Variants in ADAMTS17 observed in about 807,000 individuals in gnomAD.
ADAMTS17 encodes A disintegrin and metalloproteinase with thrombospondin motifs 17.
A neutral mutation model predicts 141.5 loss-of-function variants in ADAMTS17; 113 were observed. That is an observed-to-expected ratio of 0.80 (90% CI 0.69 to 0.93). The LOEUF is 0.93. Ranked by LOEUF, ADAMTS17 falls within the 40% of genes least tolerant of loss-of-function variation. ADAMTS17 has a pLI of 0.00. For synonymous variants in ADAMTS17, 768 were observed against 630.6 expected, an observed-to-expected ratio of 1.22 and a Z score of -3.27; for missense variants, 1,659 against 1,517.9, an observed-to-expected ratio of 1.09 and a Z score of -1.54.
At chr15:100,045,417 T>C (rs572335920) in intron 18 of ADAMTS17, among the ~76,000 whole-genome samples, 12 of 152,290 alleles carry the variant, frequency 7.9e-5, no homozygotes, top group East Asian at 7.7e-4. Context: ...TAGAAGAATA[T>C]TGAATTTTTG....
chr15:100,239,925 A>T (rs1555491131), intron 7 of ADAMTS17, among the ~76,000 whole-genome samples: 1 of 152,112 alleles, frequency 6.6e-6, no homozygotes, highest in Non-Finnish European at 1.5e-5. Flanking sequence ...CCAGTGAAGG[A>T]GGAGGTGGTC....
intron 15 of ADAMTS17, among the ~76,000 whole-genome samples, chr15:100,093,450 G>A (rs1229691804): frequency 6.6e-6 from 1 of 152,152 alleles, no homozygotes; most frequent in Non-Finnish European, 1.5e-5. Flanking sequence ...TTAGGGGCAA[G>A]CAGAGATGAA....
At position 100,096,797 on chromosome 15, in the gene ADAMTS17, C is replaced by A. The variant is rs2035788848; in HGVS notation, c.2017-321G>T. On this transcript the variant is annotated intron_variant, in intron 14 of 21. Coordinates refer to ENST00000268070, the MANE Select transcript of ADAMTS17 (RefSeq NM_139057.4). ...CGCCCTGACTGCCTGGGGGCAGAGA[C>A]CCTGGGGAGAGAGTGAAGCCTGAAC... 2.0e-5 allele frequency among the ~76,000 whole-genome samples: 3 copies of A among 152,228 alleles called. No individual in the cohort carries two copies. The South Asian group carries it at 6.2e-4, about 31-fold the overall frequency.
At chr15:100,137,763 T>G (rs890729665) in intron 10 of ADAMTS17, among the ~76,000 whole-genome samples, 6 of 152,210 alleles carry the variant, frequency 3.9e-5, no homozygotes, top group Admixed American at 3.3e-4. Flanking sequence ...CATGCAAGGG[T>G]GGGTTCCCCA....
At chr15:100,197,240 G>A (rs911548803) in intron 8 of ADAMTS17, among the ~76,000 whole-genome samples, 1 of 152,230 alleles carries the variant, frequency 6.6e-6, no homozygotes, top group Non-Finnish European at 1.5e-5. Context: ...CTTAGCATGT[G>A]CCATGCTGCT....
At chr15:100,124,481 T>C (rs4965587) in intron 12 of ADAMTS17, among the ~76,000 whole-genome samples, 148,206 of 152,334 alleles carry the variant, frequency 0.97, 72,169 homozygotes, top group Non-Finnish European at 0.99. Flanking sequence ...ACAACACCGG[T>C]GTCAGTGAGG....
intron 18 of ADAMTS17, among the ~76,000 whole-genome samples, chr15:100,017,519 G>A (rs1596237947): frequency 6.6e-6 from 1 of 152,250 alleles, no homozygotes; most frequent in Non-Finnish European, 1.5e-5. Context: ...TGGGGACCCA[G>A]GGAGCTCCCA....
At chr15:100,268,048 G>A (rs757487610) in intron 4 of ADAMTS17, among the ~76,000 whole-genome samples, 1 of 152,208 alleles carries the variant, frequency 6.6e-6, no homozygotes, top group African/African-American at 2.4e-5. Context: ...AGAATATGCA[G>A]CATTTGGTTT....
chr15:100,038,710 T>C (rs1048917089), intron 18 of ADAMTS17, among the ~76,000 whole-genome samples: 1 of 152,230 alleles, frequency 6.6e-6, no homozygotes, highest in Non-Finnish European at 1.5e-5. Flanking sequence ...TTCTAATAGT[T>C]TTTAGAGATT....
intron 2 of ADAMTS17, among the ~76,000 whole-genome samples, chr15:100,338,362 G>A (rs1596554792): frequency 6.6e-6 from 1 of 152,178 alleles, no homozygotes; most frequent in Non-Finnish European, 1.5e-5. Flanking sequence ...GGAATAGAAC[G>A]TGTGTGCCCC....
intron 18 of ADAMTS17, among the ~76,000 whole-genome samples, chr15:100,037,558 A>C (rs1337828435): frequency 6.6e-6 from 1 of 151,626 alleles, no homozygotes; most frequent in South Asian, 2.1e-4. Flanking sequence ...ACAGACATGC[A>C]CCACCACACC....
chr15:100,041,985 T>G (rs149699295), intron 18 of ADAMTS17, among the ~76,000 whole-genome samples: 3 of 152,322 alleles, frequency 2.0e-5, no homozygotes, highest in African/African-American at 7.2e-5. Flanking sequence ...AACAGTGGGT[T>G]GCATTCTGGC....
intron 4 of ADAMTS17, among the ~76,000 whole-genome samples, chr15:100,275,510 G>A (rs781492588): frequency 1.3e-5 from 2 of 152,214 alleles, no homozygotes; most frequent in Non-Finnish European, 2.9e-5. Context: ...GTCAGTCCAG[G>A]GTGGAGACAG....
chr15:100,071,005 TAAA>T (rs1850019458), intron 15 of ADAMTS17, among the ~76,000 whole-genome samples: 3 of 149,722 alleles, frequency 2.0e-5, no homozygotes, highest in African/African-American at 7.4e-5. Flanking sequence ...GCAAGACTAA[TAAA>T]GAAGAAAAGA....
At chr15:100,136,366 G>A (rs12442113) in intron 10 of ADAMTS17, among the ~76,000 whole-genome samples, 30,085 of 152,200 alleles carry the variant, frequency 0.2, 3,107 homozygotes, top group Admixed American at 0.26. Flanking sequence ...GCACTGCAGC[G>A]TCTCATCCAA....
At chr15:100,257,893 C>G (rs1007607557) in intron 6 of ADAMTS17, among the ~76,000 whole-genome samples, 6 of 152,182 alleles carry the variant, frequency 3.9e-5, no homozygotes, top group South Asian at 2.1e-4. Flanking sequence ...AACTCTGTAC[C>G]CATGAAATAA....
Position 100,189,517 on chromosome 15 carries a change from C to A in ADAMTS17, c.1181+9801G>T, listed in dbSNP as rs190103239. Among the ~76,000 whole-genome samples, 628 of 152,314 alleles carry A rather than the reference C, an allele frequency of 4.1e-3. 6 individuals are homozygous for A. The highest frequency in any genetic ancestry group is 0.014 in the African/African-American group (593 of 41,570). On this transcript the variant is annotated intron_variant, in intron 8 of 21. Transcript: ENST00000268070. Reference sequence around the variant, plus strand: ...TGCTCCCCAGATGCAGAGCCACCAACACAGCCAACCACAGACTCACTAGGT... The same window carrying A: ...TGCTCCCCAGATGCAGAGCCACCAAAACAGCCAACCACAGACTCACTAGGT...
At chr15:100,236,792 T>C (rs747454772) in intron 7 of ADAMTS17, among the ~76,000 whole-genome samples, 1 of 152,082 alleles carries the variant, frequency 6.6e-6, no homozygotes, top group Admixed American at 6.5e-5. Flanking sequence ...GAGCTATGAC[T>C]GCACCACTGC....
chr15:100,111,367 C>A (rs11855289), intron 13 of ADAMTS17, among the ~76,000 whole-genome samples: 21,254 of 152,264 alleles, frequency 0.14, 1,829 homozygotes, highest in Admixed American at 0.2. Context: ...CTAGGGGCAG[C>A]TGTCCTTCCA....
Sources: allele counts gnomAD v4.1 joint callset (sites outside exome capture counted in the v4.1 genomes callset), GRCh38; gene constraint gnomAD v4.1.1; transcripts MANE v1.5; gene names NCBI Gene and HGNC (gene_info 2026-07-23, HGNC 2026-07-21).